The following SGCZ variants were observed in gnomAD, a reference collection of about 807,000 sequenced individuals.
SGCZ encodes zeta-sarcoglycan.
In SGCZ, 40 loss-of-function variants were observed where a neutral mutation model predicts 41.3. That is an observed-to-expected ratio of 0.97 (90% CI 0.75 to 1.26). SGCZ has a LOEUF of 1.26. SGCZ is among the 50% of genes most tolerant of loss of function. The pLI is 0.00. For missense variants in SGCZ, 552 were observed against 369.8 expected (o/e 1.49, Z -4.04); for synonymous variants, 206 against 137.5 (o/e 1.50, Z -3.49).
intron 2 of SGCZ, among the ~76,000 whole-genome samples, chr8:14,402,304 T>G (rs1172515170): frequency 3.5e-4 from 53 of 151,498 alleles, no homozygotes. Flanking sequence ...TAGATCCCAT[T>G]TGTCAATTTT....
At chr8:15,021,651 G>T (rs956917693) in intron 1 of SGCZ, among the ~76,000 whole-genome samples, 2 of 152,172 alleles carry the variant, frequency 1.3e-5, no homozygotes, top group African/African-American at 4.8e-5. Flanking sequence ...GGGATGTGAC[G>T]TGTTAATCCA....
intron 1 of SGCZ, among the ~76,000 whole-genome samples, chr8:14,889,383 G>A (rs1295705569): frequency 6.6e-6 from 1 of 151,992 alleles, no homozygotes; most frequent in African/African-American, 2.4e-5. Context: ...AATATACTCT[G>A]AACCTTAATT....
Position 14,102,378 on chromosome 8 carries a change from C to G in SGCZ, c.742G>C (p.Glu248Gln), listed in dbSNP as rs772608034. 6.7e-7 allele frequency: 1 copy of G among 1,490,042 alleles called. No individual in the cohort carries two copies. The highest frequency in any genetic ancestry group is 1.9e-5 in the Admixed American group (1 of 53,460). The allele number at this position is 1,490,042 out of a possible 1,614,324, so 92.3% of individuals were successfully genotyped here. The change falls in exon 7 of 8, where the codon GAG (glutamate) becomes CAG (glutamine). Residue 248 changes from glutamate to glutamine, a missense_variant and splice_region_variant. Coordinates refer to ENST00000382080, the MANE Select transcript of SGCZ (RefSeq NM_139167.4). ...GGGTCCAACTTTCTGGGACTCACCTCCCCTTCTGTAGATTGCAGATGGAGC... is the reference window on the plus strand; with the variant it reads ...GGGTCCAACTTTCTGGGACTCACCTGCCCTTCTGTAGATTGCAGATGGAGC... ...KELHLQSTEG[E>Q]IFLNAETIKL... is the part of the protein sequence containing the mutation.
In SGCZ at chr8:15,232,194, G is replaced by C. The variant is rs138967259; in HGVS notation, c.39+5391C>G. Among the ~76,000 whole-genome samples the C allele has an allele frequency of 1.6e-3, 248 of 152,248 alleles. 3 individuals carry two copies. The highest frequency in any genetic ancestry group is 0.014 in the Admixed American group (215 of 15,282). On this transcript the variant is annotated intron_variant, in intron 1 of 7. Coordinates refer to ENST00000382080, the MANE Select transcript of SGCZ (RefSeq NM_139167.4). ...AATTGTATTTTAGCTGAAATTCTGA[G>C]ACAGCATAAGAAACAGCGCACTAAA... is the stretch of plus-strand genomic sequence containing the variant.
At chr8:14,123,069 A>T (rs1375643236) in intron 5 of SGCZ, among the ~76,000 whole-genome samples, 2 of 152,188 alleles carry the variant, frequency 1.3e-5, no homozygotes, top group Non-Finnish European at 2.9e-5. Flanking sequence ...TGTTGAAAAG[A>T]AGAACGACCA....
At chr8:14,342,982 C>T (rs1307524691) in intron 2 of SGCZ, among the ~76,000 whole-genome samples, 3 of 152,104 alleles carry the variant, frequency 2.0e-5, no homozygotes, top group African/African-American at 7.2e-5. Context: ...TGCCCTGTGT[C>T]CCAGCCACTC....
chr8:14,997,262 T>C (rs953511811), intron 1 of SGCZ, among the ~76,000 whole-genome samples: 3 of 152,230 alleles, frequency 2.0e-5, no homozygotes, highest in Non-Finnish European at 4.4e-5. Context: ...AGGATTGTAA[T>C]CAATTATGGA....
intron 4 of SGCZ, among the ~76,000 whole-genome samples, chr8:14,188,683 G>T (rs893006615): frequency 7.2e-5 from 11 of 152,010 alleles, no homozygotes; most frequent in Admixed American, 6.6e-5. Flanking sequence ...TGGATGAATT[G>T]TATGATATGT....
At chr8:15,137,320 G>A (rs1808147393) in intron 1 of SGCZ, among the ~76,000 whole-genome samples, 1 of 152,192 alleles carries the variant, frequency 6.6e-6, no homozygotes, top group Non-Finnish European at 1.5e-5. Flanking sequence ...TGGAAAATTT[G>A]CAGCCTGACA....
chr8:14,545,521 A>G (rs112008611), intron 2 of SGCZ, among the ~76,000 whole-genome samples: 2,637 of 152,174 alleles, frequency 0.017, 70 homozygotes, highest in African/African-American at 0.06. Context: ...TACTAAAAGC[A>G]TCATATTATT....
At chr8:14,647,613 TATTAA>T (rs1807265718) in intron 1 of SGCZ, among the ~76,000 whole-genome samples, 1 of 152,074 alleles carries the variant, frequency 6.6e-6, no homozygotes, top group South Asian at 2.1e-4. Context: ...ACATGTAAAT[TATTAA>T]ATTAATATTA....
chr8:15,067,095 G>T (rs1307962328), intron 1 of SGCZ, among the ~76,000 whole-genome samples: 1 of 152,154 alleles, frequency 6.6e-6, no homozygotes, highest in Non-Finnish European at 1.5e-5. Context: ...AGATGATTGT[G>T]TGTAAATGTT....
intron 3 of SGCZ, among the ~76,000 whole-genome samples, chr8:14,261,514 T>C (rs1585293581): frequency 6.6e-6 from 1 of 152,206 alleles, no homozygotes; most frequent in Non-Finnish European, 1.5e-5. Context: ...TTGAAAGTTT[T>C]GCTGAACATA....
At position 14,677,783 on chromosome 8, in the gene SGCZ, C is replaced by CATAA. The variant is rs531238378; in HGVS notation, c.40-122861_40-122858dup. Among the ~76,000 whole-genome samples the CATAA allele has an allele frequency of 7.3e-3, 1,112 of 151,866 alleles. 7 individuals are homozygous for CATAA. Among genetic ancestry groups the CATAA allele is most frequent in the Non-Finnish European group, 8.6e-3 (585 of 67,938 alleles). On this transcript the variant is annotated intron_variant, in intron 1 of 7. Transcript: ENST00000382080. ...GAGACTCCGTCTAAATAAATAAATA[C>CATAA]ATAAATAAATAAATAAATAAGTAAA...
intron 1 of SGCZ, among the ~76,000 whole-genome samples, chr8:14,696,231 A>T (rs1164082613): frequency 6.6e-6 from 1 of 152,138 alleles, no homozygotes; most frequent in African/African-American, 2.4e-5. Context: ...AAACTCCTCT[A>T]AACTGTGTGA....
At chr8:15,018,017 A>G (rs1803105792) in intron 1 of SGCZ, among the ~76,000 whole-genome samples, 1 of 152,174 alleles carries the variant, frequency 6.6e-6, no homozygotes, top group Non-Finnish European at 1.5e-5. Context: ...GGTGTGAGCC[A>G]CTGCGCCTGG....
chr8:14,107,235 TAAATA>T (rs1000990624), intron 6 of SGCZ, among the ~76,000 whole-genome samples: 2 of 126,696 alleles, frequency 1.6e-5, no homozygotes, highest in Non-Finnish European at 3.3e-5. Flanking sequence ...AATAAAAAAA[TAAATA>T]AAAAAAAAAA....
At chr8:14,698,376 G>T (rs1343778189) in intron 1 of SGCZ, among the ~76,000 whole-genome samples, 1 of 151,722 alleles carries the variant, frequency 6.6e-6, no homozygotes, top group Non-Finnish European at 1.5e-5. Context: ...CTTTAGTTTA[G>T]CTCCAAGTTA....
chr8:15,058,206 T>C (rs952896259), intron 1 of SGCZ, among the ~76,000 whole-genome samples: 5 of 152,202 alleles, frequency 3.3e-5, no homozygotes, highest in Admixed American at 2.0e-4. Context: ...AAGTCTTTTT[T>C]TAAAAGGGGT....
Sources: allele counts gnomAD v4.1 joint callset (sites outside exome capture counted in the v4.1 genomes callset), GRCh38; gene constraint gnomAD v4.1.1; transcripts MANE v1.5; gene names NCBI Gene and HGNC (gene_info 2026-07-23, HGNC 2026-07-21).